The following MEI1 variants were observed in gnomAD, a reference collection of about 807,000 sequenced individuals.
The protein encoded by MEI1 is meiotic double-stranded break formation protein 1, also known as meiosis inhibitor protein 1.
A neutral mutation model predicts 146.2 loss-of-function variants in MEI1; 103 were observed. That is an observed-to-expected ratio of 0.70 (90% confidence interval 0.60 to 0.83). The LOEUF (loss-of-function observed/expected upper bound fraction) is 0.83, where lower values mean the gene tolerates loss of function less well. Among genes scored for constraint, MEI1 ranks in the 40% least tolerant of loss-of-function variants. The pLI is 0.00. For synonymous variants in MEI1, 652 were observed against 628.2 expected (o/e 1.04, Z -0.57); for missense variants, 1,529 against 1,533.0 (o/e 1.00, Z 0.04).
At chr22:41,699,862 G>A (rs1161148010) in intron 1 of MEI1, 150 bp downstream of exon 1, 116 of 1,085,140 alleles carry the variant, frequency 1.1e-4, no homozygotes, top group Non-Finnish European at 1.4e-4. Flanking sequence ...AGCCCGTCCC[G>A]GACCCGGCCG....
At chr22:41,714,138 C>G in intron 4 of MEI1, 63 bp downstream of exon 4, 1 of 1,456,484 alleles carries the variant, frequency 6.9e-7, no homozygotes, top group Non-Finnish European at 9.4e-7. Context: ...GCTGGGTCAA[C>G]CCTTTGAACA....
At chr22:41,793,530 G>T (rs992413130) in intron 26 of MEI1, among the ~76,000 whole-genome samples, 1 of 151,470 alleles carries the variant, frequency 6.6e-6, no homozygotes, top group Admixed American at 6.6e-5. Flanking sequence ...TCAAACTCCC[G>T]ACCTCAGGTG....
intron 8 of MEI1, 89 bp downstream of exon 8, chr22:41,729,868 A>C: frequency 1.3e-6 from 1 of 741,138 alleles, no homozygotes; most frequent in Non-Finnish European, 2.1e-6. Context: ...CCTATGAACT[A>C]TGTCTCATAA....
At chr22:41,755,406 C>T (rs1248828197) in intron 17 of MEI1, among the ~76,000 whole-genome samples, 2 of 152,158 alleles carry the variant, frequency 1.3e-5, no homozygotes, top group Non-Finnish European at 2.9e-5. Context: ...TTTATTGCTT[C>T]CAACATAGCT....
At chr22:41,784,483 G>GC in intron 25 of MEI1, 63 bp downstream of exon 25, 1 of 1,599,720 alleles carries the variant, frequency 6.3e-7, no homozygotes, top group Non-Finnish European at 8.6e-7. Flanking sequence ...GATAAGACCA[G>GC]CACCCTGACC....
chr22:41,767,593 G>C, intron 19 of MEI1: 1 of 455,994 alleles, frequency 2.2e-6, no homozygotes, highest in Non-Finnish European at 4.4e-6. Flanking sequence ...ATTGCAGTTT[G>C]ATCAGCATTT....
Position 41,795,496 on chromosome 22 carries a change from C to T in MEI1, c.3620C>T (p.Thr1207Ile), listed in dbSNP as rs1158232136. 3 of 1,610,986 alleles carry T rather than the reference C, an allele frequency of 1.9e-6. No individual in the cohort carries two copies. Among genetic ancestry groups the T allele is most frequent in the Non-Finnish European group, 1.7e-6 (2 of 1,178,404 alleles). Residue 1207 changes from threonine to isoleucine, a missense_variant, in exon 29 of 31, where the codon ACC becomes ATC. By Grantham distance (89) the Thr-to-Ile change is moderately conservative (BLOSUM62 -1). Around this residue, in one of 3 missense-constraint regions of MEI1, gnomAD observed 313 missense variants for 337.3 expected, o/e 0.93. Coordinates refer to ENST00000401548, the MANE Select transcript of MEI1 (RefSeq NM_152513.4). The surrounding 1 kb of genome is among the most constrained non-coding windows in gnomAD (Gnocchi z 4.2). ...GGTGTGGCTTTGGCTGACCTGTCTA[C>T]CCTCTCGAACACCACACTCCAGGCC... ...LQGVALADLS[T>I]LSNTTLQALH...
chr22:41,735,923 G>A (rs897887798), intron 11 of MEI1, among the ~76,000 whole-genome samples: 4 of 152,214 alleles, frequency 2.6e-5, no homozygotes, highest in African/African-American at 7.2e-5. Context: ...TAAAATGCCT[G>A]TGTTAGTTTC....
intron 11 of MEI1, among the ~76,000 whole-genome samples, chr22:41,735,367 T>TGGGATTACAGGCATGCA (rs2072262663): frequency 2.6e-5 from 4 of 151,660 alleles, no homozygotes; most frequent in African/African-American, 9.7e-5. Flanking sequence ...CCCGAGTAGC[T>TGGGATTACAGGCATGCA]GGGATTACAG....
intron 22 of MEI1, among the ~76,000 whole-genome samples, chr22:41,780,334 C>T (rs1228607210): frequency 1.3e-5 from 2 of 151,984 alleles, no homozygotes; most frequent in Non-Finnish European, 2.9e-5. Context: ...GGGTGAGCAC[C>T]GAAGTCAGGG....
intron 3 of MEI1, among the ~76,000 whole-genome samples, chr22:41,707,992 A>C (rs948980790): frequency 6.6e-6 from 1 of 152,200 alleles, no homozygotes; most frequent in East Asian, 1.9e-4. Context: ...ACTCCCATAG[A>C]ACAAAAACAA....
intron 3 of MEI1, chr22:41,709,283 G>T: frequency 3.6e-6 from 3 of 823,018 alleles, no homozygotes; most frequent in East Asian, 2.5e-5. Flanking sequence ...TCCATTTTCT[G>T]CAGGGTTATT....
At chr22:41,700,032 CTT>C (rs745467072) in intron 1 of MEI1, among the ~76,000 whole-genome samples, 3 of 152,264 alleles carry the variant, frequency 2.0e-5, no homozygotes, top group Non-Finnish European at 4.4e-5. Context: ...GGCTCCTTCC[CTT>C]TGCTGCCCCT....
At chr22:41,720,928 C>T (rs1440047300) in intron 6 of MEI1, among the ~76,000 whole-genome samples, 4 of 151,566 alleles carry the variant, frequency 2.6e-5, no homozygotes, top group African/African-American at 9.7e-5. Flanking sequence ...CTTGCCACCA[C>T]GCCCGGCTAA....
rs143934330 is a variant in MEI1, at chr22:41,741,900, C to T, written c.1332-1180C>T. Among the ~76,000 whole-genome samples, 9 of 146,658 alleles carry T rather than the reference C, an allele frequency of 6.1e-5. No individual in the cohort carries two copies. In the South Asian group the frequency reaches 1.1e-3, roughly 17 times the overall value. On this transcript the variant is annotated intron_variant, in intron 11 of 30. Coordinates refer to ENST00000401548, the MANE Select transcript of MEI1 (RefSeq NM_152513.4). The stretch of plus-strand genomic sequence containing the variant: ...CAGAGGTTGCAGTGAGCTTAGATTG[C>T]GCCACTGTACCCCAGCCTGGTGACA...
chr22:41,710,709 A>G (rs941319489), intron 3 of MEI1, among the ~76,000 whole-genome samples: 1 of 152,232 alleles, frequency 6.6e-6, no homozygotes, highest in Non-Finnish European at 1.5e-5. Flanking sequence ...TGTTGTGCAG[A>G]ATACCATGAT....
At chr22:41,783,919 C>T (rs548245267) in intron 24 of MEI1, among the ~76,000 whole-genome samples, 2 of 152,082 alleles carry the variant, frequency 1.3e-5, no homozygotes, top group African/African-American at 2.4e-5. Context: ...CTGGGCTCAA[C>T]GAATCCTCTC....
At chr22:41,713,885 T>C in intron 3 of MEI1, 117 bp from the exon 4 acceptor site, 9 of 784,900 alleles carry the variant, frequency 1.1e-5, no homozygotes. Context: ...TAGAAAAGTA[T>C]AATACCAATT....
chr22:41,781,865 G>A lies in MEI1; in HGVS notation c.3087+20G>A. ...TTGCAGGTTAGTCTTTAACTCCTGT[G>A]GCTTTGAGGCATGGGGTGGCACTCA... On this transcript the variant is annotated intron_variant, in intron 24 of 30. Transcript: ENST00000401548. 2 of 1,612,592 alleles carry A rather than the reference G, an allele frequency of 1.2e-6. No individual in the cohort carries two copies. Among genetic ancestry groups the A allele is most frequent in the African/African-American group, 2.7e-5 (2 of 75,032 alleles).
Sources: gnomAD v4.1 joint callset for allele counts (sites outside exome capture counted in the v4.1 genomes callset) on GRCh38, gnomAD v4.1.1 for gene constraint, gnomAD v4.1.1 regional missense constraint, Gnocchi (gnomAD v3.1) non-coding constraint, MANE v1.5 for transcripts, NCBI Gene and HGNC (gene_info 2026-07-23, HGNC 2026-07-21) for gene names.